NELFB: variants seen among roughly 807,000 people sequenced by gnomAD.
NELFB encodes the protein negative elongation factor complex member B, also known as negative elongation factor B.
Under a neutral mutation model 60.2 loss-of-function variants are expected in NELFB, and 34 were observed. That is an observed-to-expected ratio of 0.56 (90% CI 0.43 to 0.75). NELFB has a LOEUF of 0.75. NELFB is among the 30% of genes least tolerant of loss of function. The pLI, the probability that NELFB is intolerant of heterozygous loss-of-function variation, is 0.00. For missense variants in NELFB, 770 were observed against 831.6 expected, an observed-to-expected ratio of 0.93 and a Z score of 0.91; for synonymous variants, 459 against 382.1, an observed-to-expected ratio of 1.20 and a Z score of -2.35.
intron 9 of NELFB, 36 bp from the exon 10 acceptor site, chr9:137,267,204 G>A: frequency 6.6e-7 from 1 of 1,511,892 alleles, no homozygotes; most frequent in Non-Finnish European, 9.2e-7. Context: ...GGGCTGAGGT[G>A]GGGCTGAGGT....
intron 6 of NELFB, among the ~76,000 whole-genome samples, chr9:137,265,547 C>A (rs950599664): frequency 6.6e-6 from 1 of 151,884 alleles, no homozygotes; most frequent in African/African-American, 2.4e-5. Context: ...CACCACCACG[C>A]CCGGCTAATT....
intron 4 of NELFB, among the ~76,000 whole-genome samples, chr9:137,260,385 T>C (rs998993967): frequency 1.4e-4 from 21 of 148,608 alleles, no homozygotes; most frequent in Non-Finnish European, 2.7e-4. Flanking sequence ...TTTTAAAATT[T>C]ATTTTTTAAA....
intron 2 of NELFB, 21 bp from the exon 3 acceptor site, chr9:137,256,308 C>G: frequency 6.2e-7 from 1 of 1,608,614 alleles, no homozygotes; most frequent in Non-Finnish European, 8.5e-7. Flanking sequence ...GCTGCACCAT[C>G]AATCCTGTGA....
At chr9:137,261,583 G>T (rs890152524) in intron 4 of NELFB, among the ~76,000 whole-genome samples, 40 of 151,612 alleles carry the variant, frequency 2.6e-4, no homozygotes, top group African/African-American at 9.5e-4. Context: ...GCTTGAATCC[G>T]GGAGGTGGAG....
chr9:137,256,393 C>T lies in NELFB; in HGVS notation c.475C>T (p.Pro159Ser). ...TCTGGTGAAGATGCCGTCCCTGCAG[C>T]CCGTGGTGATGTGCGTCATGAAGCA... is the stretch of plus-strand genomic sequence containing the variant. Residue 159 changes from proline to serine, a missense_variant, in exon 3 of 13, where the codon CCC becomes TCC. By Grantham distance (74) the Pro-to-Ser change is moderately conservative. Coordinates refer to ENST00000343053, the MANE Select transcript of NELFB (RefSeq NM_015456.5). The T allele has an allele frequency of 1.9e-6, 3 of 1,613,992 alleles. No homozygotes were observed. Among genetic ancestry groups the T allele is most frequent in the Non-Finnish European group, 2.5e-6 (3 of 1,180,010 alleles).
intron 4 of NELFB, among the ~76,000 whole-genome samples, chr9:137,258,604 A>G (rs527463520): frequency 4.0e-5 from 6 of 151,544 alleles, no homozygotes; most frequent in Admixed American, 1.3e-4. Flanking sequence ...GCGCCCCACC[A>G]TGCCTGGCTA....
rs1437908140 is a variant in NELFB at position 137,266,283 on chromosome 9, C to T, written c.1144-48C>T. The T allele has an allele frequency of 2.6e-6, 4 of 1,543,282 alleles. No individual in the cohort carries two copies. In the African/African-American group the frequency reaches 5.5e-5, roughly 21 times the overall value. On this transcript the variant is annotated intron_variant, in intron 7 of 12. Transcript: ENST00000343053. ...GAGTAGGGTCAGAGGAGCTCCATGG[C>T]CAGGACACAGCTGCCTGGGAGAGGC...
At chr9:137,260,843 G>A (rs1830430674) in intron 4 of NELFB, among the ~76,000 whole-genome samples, 1 of 151,392 alleles carries the variant, frequency 6.6e-6, no homozygotes, top group African/African-American at 2.4e-5. Flanking sequence ...GGTGGATCAC[G>A]AGGTCAGGAG....
At chr9:137,267,426 C>T in intron 10 of NELFB, 80 bp downstream of exon 10, 3 of 1,255,722 alleles carry the variant, frequency 2.4e-6, no homozygotes, top group Non-Finnish European at 3.3e-6. Flanking sequence ...GTGCGGGCCC[C>T]AGGGCCCCCA....
chr9:137,259,198 GA>G (rs59345853), intron 4 of NELFB, among the ~76,000 whole-genome samples: 14,272 of 149,842 alleles, frequency 0.095, 891 homozygotes, highest in East Asian at 0.3. Context: ...GTCTCAAAAG[GA>G]AAAAAAAAAT....
intron 10 of NELFB, among the ~76,000 whole-genome samples, chr9:137,271,173 C>T (rs894061569): frequency 1.3e-5 from 2 of 152,274 alleles, no homozygotes; most frequent in East Asian, 1.9e-4. Context: ...ATCCCCTGGT[C>T]GGGACTGTGT....
chr9:137,266,047 A>G (rs1035965549), intron 7 of NELFB, 68 bp downstream of exon 7: 15 of 1,281,980 alleles, frequency 1.2e-5, no homozygotes, highest in African/African-American at 7.3e-5. Flanking sequence ...CTGGGTGGTC[A>G]GGGTGTGGAC....
At chr9:137,260,168 G>C (rs1830415507) in intron 4 of NELFB, among the ~76,000 whole-genome samples, 1 of 149,780 alleles carries the variant, frequency 6.7e-6, no homozygotes, top group Admixed American at 6.6e-5. Context: ...TCCTGCCTCA[G>C]CCTCCCGAGT....
At position 137,267,359 on chromosome 9, in the gene NELFB, G is replaced by A; in HGVS notation, c.1489+13G>A. The A allele has an allele frequency of 5.0e-6, 8 of 1,592,228 alleles. No individual in the cohort carries two copies. Among genetic ancestry groups the A allele is most frequent in the Non-Finnish European group, 6.8e-6 (8 of 1,169,738 alleles). On this transcript the variant is annotated intron_variant, in intron 10 of 12. Coordinates refer to ENST00000343053, the MANE Select transcript of NELFB (RefSeq NM_015456.5). ...CTGCCCGGGCTGGGTAAGTCCTGAC[G>A]GGCGGTGCCTGGCTGTGTCTTCCCT...
Position 137,265,899 on chromosome 9 carries a change from G to C in NELFB, c.1063G>C (p.Asp355His). The C allele has an allele frequency of 6.2e-7, 1 of 1,613,076 alleles. No homozygotes were observed. The highest frequency in any genetic ancestry group is 8.5e-7 in the Non-Finnish European group (1 of 1,179,836). The change falls in exon 7 of 13, where the codon GAC (aspartate) becomes CAC (histidine). Residue 355 changes from aspartate (D) to histidine (H), a missense_variant. Asp to His is a moderately conservative substitution (Grantham distance 81). Coordinates refer to ENST00000343053, the MANE Select transcript of NELFB (RefSeq NM_015456.5). The stretch of plus-strand genomic sequence containing the variant: ...CAGGGACCTGTCCATGATCCTGTGT[G>C]ACCCCTTCGCCATCAACACGCTGGC...
rs776783803 is a variant in NELFB at position 137,267,358 on chromosome 9, C to T, written c.1489+12C>T. The T allele has an allele frequency of 1.4e-5, 23 of 1,591,936 alleles. No homozygotes were observed. The highest frequency in any genetic ancestry group is 6.8e-5 in the South Asian group (6 of 88,476). On this transcript the variant is annotated intron_variant, in intron 10 of 12. Coordinates refer to ENST00000343053, the MANE Select transcript of NELFB (RefSeq NM_015456.5). Reference sequence around the variant, plus strand: ...GCTGCCCGGGCTGGGTAAGTCCTGACGGGCGGTGCCTGGCTGTGTCTTCCC... The same window carrying T: ...GCTGCCCGGGCTGGGTAAGTCCTGATGGGCGGTGCCTGGCTGTGTCTTCCC...
chr9:137,266,291 C>T (rs764014216), intron 7 of NELFB, 40 bp from the exon 8 acceptor site: 2 of 1,571,860 alleles, frequency 1.3e-6, no homozygotes, highest in Non-Finnish European at 8.7e-7. Context: ...GGCCAGGACA[C>T]AGCTGCCTGG....
intron 4 of NELFB, among the ~76,000 whole-genome samples, chr9:137,262,495 T>G (rs1219624500): frequency 6.6e-6 from 1 of 152,246 alleles, no homozygotes; most frequent in African/African-American, 2.4e-5. Context: ...TTTCCTAGAT[T>G]ATGATTGTAG....
At chr9:137,272,760 C>G in intron 12 of NELFB, 22 bp from the exon 13 acceptor site, 1 of 1,533,076 alleles carries the variant, frequency 6.5e-7, no homozygotes, top group Non-Finnish European at 8.8e-7. Flanking sequence ...CCTCGCCTGC[C>G]CCATGGTGTG....
Sources: gnomAD v4.1 joint callset for allele counts (sites outside exome capture counted in the v4.1 genomes callset) on GRCh38, gnomAD v4.1.1 for gene constraint, MANE v1.5 for transcripts, NCBI Gene and HGNC (gene_info 2026-07-23, HGNC 2026-07-21) for gene names.